SHQ1: variants seen among roughly 807,000 people sequenced by gnomAD.
The protein encoded by SHQ1 is SHQ1, H/ACA ribonucleoprotein assembly factor.
Under a neutral mutation model 53.8 loss-of-function variants are expected in SHQ1, and 49 were observed. The observed-to-expected ratio is 0.91, with a 90% CI of 0.72 to 1.16. The LOEUF (loss-of-function observed/expected upper bound fraction) is 1.16, where lower values mean the gene tolerates loss of function less well. SHQ1 is among the 50% of genes most tolerant of loss of function. SHQ1 has a pLI of 0.00. For synonymous variants in SHQ1, 243 were observed against 251.0 expected, an observed-to-expected ratio of 0.97 and a Z score of 0.30; for missense variants, 738 against 683.1, an observed-to-expected ratio of 1.08 and a Z score of -0.90.
rs1192967454 is a variant in SHQ1 at position 72,772,496 on chromosome 3, T to C, written c.1181+20420A>G. 2.5e-5 allele frequency: 14 copies of C among 557,690 alleles called. No individual in the cohort carries two copies. The Admixed American group carries it at 3.3e-4, about 13-fold the overall frequency. 34.5% of individuals were successfully genotyped at this position (557,690 alleles called of 1,614,324 possible). A position where few individuals can be genotyped will look rare whatever the true frequency, so the allele number is the denominator to read the frequency against. Reference sequence around the variant, plus strand: ...CTTCAAATGCACATACAGATGCATCTGGACCCTCAGACAGTGATATGACAA... The same window carrying C: ...CTTCAAATGCACATACAGATGCATCCGGACCCTCAGACAGTGATATGACAA... On this transcript the variant is annotated intron_variant, in intron 10 of 10. Transcript: ENST00000325599.
In SHQ1 at chr3:72,832,586, C is replaced by G. The variant is rs1025097079; in HGVS notation, c.487-105G>C. The G allele has an allele frequency of 6.9e-6, 5 of 719,504 alleles. No individual in the cohort carries two copies. In the Middle Eastern group the frequency reaches 1.2e-3, roughly 171 times the overall value. The allele number at this position is 719,504 out of a possible 1,614,324, so 44.6% of individuals were successfully genotyped here. A position where few individuals can be genotyped will look rare whatever the true frequency, so the allele number is the denominator to read the frequency against. Reference sequence around the variant, plus strand: ...AAAGCACAGGAAGAACCTAACTGATCAGTAAACCATGATGCCACCTGTGAC... The same window carrying G: ...AAAGCACAGGAAGAACCTAACTGATGAGTAAACCATGATGCCACCTGTGAC... On this transcript the variant is annotated intron_variant, in intron 4 of 10. Coordinates refer to ENST00000325599, the MANE Select transcript of SHQ1 (RefSeq NM_018130.3).
At chr3:72,830,473 T>TC (rs1707792992) in intron 5 of SHQ1, among the ~76,000 whole-genome samples, 1 of 152,030 alleles carries the variant, frequency 6.6e-6, no homozygotes, top group East Asian at 1.9e-4. Context: ...AGCCTTTTTT[T>TC]CTCCACTGTT....
chr3:72,840,224 C>CCTGGGCG (rs1559700226), intron 4 of SHQ1, among the ~76,000 whole-genome samples: 4 of 110,428 alleles, frequency 3.6e-5, no homozygotes, highest in African/African-American at 1.6e-4. Context: ...TGCACTCCAG[C>CCTGGGCG]AAAGTGAGAC....
chr3:72,841,083 A>G lies in SHQ1; in HGVS notation c.448T>C (p.Phe150Leu). 6.2e-7 allele frequency: 1 copy of G among 1,613,918 alleles called. No homozygotes were observed. The highest frequency in any genetic ancestry group is 1.1e-5 in the South Asian group (1 of 91,000). ...AACACTCCTGATCGTAAGTTTCCAA[A>G]TCCATAGTGGCACTGCGGATTCAAA... ...SALNPQCHYG[F>L]GNLRSGVLQR... Residue 150 changes from phenylalanine to leucine, a missense_variant, in exon 4 of 11, where the codon TTT becomes CTT. Phe to Leu is a conservative substitution (Grantham distance 22). Coordinates refer to ENST00000325599, the MANE Select transcript of SHQ1 (RefSeq NM_018130.3).
At chr3:72,845,016 T>A (rs924191382) in intron 1 of SHQ1, among the ~76,000 whole-genome samples, 1 of 152,128 alleles carries the variant, frequency 6.6e-6, no homozygotes, top group Non-Finnish European at 1.5e-5. Flanking sequence ...TGAAATTTCA[T>A]ATAAGGGACA....
In SHQ1 at chr3:72,848,279, A is replaced by T; in HGVS notation, c.62T>A (p.Val21Glu). 6.2e-7 allele frequency: 1 copy of T among 1,614,132 alleles called. No homozygotes were observed. Among genetic ancestry groups the T allele is most frequent in the Non-Finnish European group, 8.5e-7 (1 of 1,180,012 alleles). ...DPDFLTIAIRVPYARVSEFDV... is the reference protein window; with the variant it reads ...DPDFLTIAIREPYARVSEFDV... ...GAACTCGGAGACCCGGGCGTAGGGC[A>T]CGCGGATGGCGATAGTCAGGAAGTC... Residue 21 changes from valine to glutamate, a missense_variant, in exon 1 of 11, where the codon GTG (valine) becomes GAG (glutamate). Physicochemically the swap from Val to Glu is moderately radical, Grantham distance 121 (BLOSUM62 -2). Transcript: ENST00000325599.
chr3:72,755,224 C>A (rs901811061), intron 10 of SHQ1, among the ~76,000 whole-genome samples: 2 of 151,560 alleles, frequency 1.3e-5, no homozygotes, highest in Admixed American at 6.6e-5. Context: ...TTTAAAATTA[C>A]CAGGTTATAC....
intron 9 of SHQ1, among the ~76,000 whole-genome samples, chr3:72,807,753 C>T (rs1370342115): frequency 1.3e-5 from 2 of 152,128 alleles, no homozygotes; most frequent in African/African-American, 4.8e-5. Flanking sequence ...AGTCACAAGC[C>T]CTGTGCTTGG....
chr3:72,809,015 A>G (rs902907836), intron 9 of SHQ1, among the ~76,000 whole-genome samples: 1 of 152,044 alleles, frequency 6.6e-6, no homozygotes, highest in Admixed American at 6.5e-5. Context: ...CTGTTACCTT[A>G]AACCAAGAGA....
chr3:72,753,564 C>T lies in SHQ1; in HGVS notation c.1182-2728G>A, dbSNP rs894577408. 9.1e-6 allele frequency: 9 copies of T among 985,212 alleles called. No individual in the cohort carries two copies. In the East Asian group the frequency reaches 5.7e-4, roughly 62 times the overall value. 61.0% of individuals were successfully genotyped at this position (985,212 alleles called of 1,614,324 possible). The stretch of plus-strand genomic sequence containing the variant: ...CCAAGGGTGAGCGGGAGGCACAGTG[C>T]GGTGAGTGGGACAAGGGCAGTCACC... On this transcript the variant is annotated intron_variant, in intron 10 of 10. Coordinates refer to ENST00000325599, the MANE Select transcript of SHQ1 (RefSeq NM_018130.3).
At chr3:72,770,206 G>A (rs1323317176) in intron 10 of SHQ1, among the ~76,000 whole-genome samples, 1 of 152,204 alleles carries the variant, frequency 6.6e-6, no homozygotes, top group Non-Finnish European at 1.5e-5. Flanking sequence ...CAAATTGCAT[G>A]TGTTAGCTCA....
chr3:72,824,510 T>C lies in SHQ1; in HGVS notation c.641A>G (p.Lys214Arg). 2 of 1,612,088 alleles carry C rather than the reference T, an allele frequency of 1.2e-6. No individual in the cohort carries two copies. Among genetic ancestry groups the C allele is most frequent in the South Asian group, 2.2e-5 (2 of 90,520 alleles). The change falls in exon 6 of 11, where the codon AAG (lysine) becomes AGG (arginine). Residue 214 changes from lysine (K) to arginine (R), a missense_variant. Physicochemically the swap from Lys to Arg is conservative, Grantham distance 26 (BLOSUM62 2). Coordinates refer to ENST00000325599, the MANE Select transcript of SHQ1 (RefSeq NM_018130.3). ...FEDEAIEQIL[K>R]YNPWWTDKYS... Reference sequence around the variant, plus strand: ...TTTGTCAGTCCACCAAGGATTATACTTCAAAATCTGTTCAATCGCCTCATC... The same window carrying C: ...TTTGTCAGTCCACCAAGGATTATACCTCAAAATCTGTTCAATCGCCTCATC...
intron 6 of SHQ1, among the ~76,000 whole-genome samples, chr3:72,822,446 G>T (rs1257285330): frequency 6.6e-6 from 1 of 152,128 alleles, no homozygotes; most frequent in African/African-American, 2.4e-5. Context: ...TAAGAGCATT[G>T]CTGACACAGA....
rs1256299519 is a variant in SHQ1, at chr3:72,792,968, T to C, written c.1129A>G (p.Ile377Val). 11 of 1,612,128 alleles carry C rather than the reference T, an allele frequency of 6.8e-6. No individual in the cohort carries two copies. The highest frequency in any genetic ancestry group is 2.2e-5 in the East Asian group (1 of 44,870). Residue 377 changes from isoleucine to valine, a missense_variant, in exon 10 of 11, where the codon ATA (isoleucine) becomes GTA (valine). Coordinates refer to ENST00000325599, the MANE Select transcript of SHQ1 (RefSeq NM_018130.3). ...TCTGAGATGTAGAGATCATTCAGTA[T>C]GTACGCTGGGTCATTTTCCTGAAAA... Reference protein sequence around the residue: ...KIFQENDPAYILNDLYISDYC... With the variant: ...KIFQENDPAYVLNDLYISDYC...
At chr3:72,735,855 G>T in the SHQ1 span, among the ~76,000 whole-genome samples, 1 of 150,654 alleles carries the variant, frequency 6.6e-6, no homozygotes, top group Middle Eastern at 3.4e-3. Context: ...AGGGGTGGCT[G>T]GGTGCTGAGT....
the SHQ1 span, among the ~76,000 whole-genome samples, chr3:72,729,451 G>A: frequency 6.6e-6 from 1 of 152,124 alleles, no homozygotes; most frequent in Non-Finnish European, 1.5e-5. Context: ...TACCCACCAG[G>A]AAACACACGC....
At chr3:72,822,865 A>G (rs1205449309) in intron 6 of SHQ1, among the ~76,000 whole-genome samples, 1 of 152,198 alleles carries the variant, frequency 6.6e-6, no homozygotes, top group Non-Finnish European at 1.5e-5. Flanking sequence ...AAGAGTCACT[A>G]TAGGCCGGGC....
At chr3:72,801,141 TA>T (rs11366992) in intron 9 of SHQ1, among the ~76,000 whole-genome samples, 66,420 of 149,574 alleles carry the variant, frequency 0.44, 18,716 homozygotes, top group African/African-American at 0.82. Flanking sequence ...GGTAGAACAT[TA>T]AAAAAAAAAA....
chr3:72,730,599 T>A, the SHQ1 span, among the ~76,000 whole-genome samples: 5 of 152,176 alleles, frequency 3.3e-5, no homozygotes, highest in African/African-American at 1.2e-4. Flanking sequence ...AAGTCCCTAC[T>A]TTTCTCTCCT....
Sources: gnomAD v4.1 joint callset for allele counts (sites outside exome capture counted in the v4.1 genomes callset) on GRCh38, gnomAD v4.1.1 for gene constraint, MANE v1.5 for transcripts, NCBI Gene and HGNC (gene_info 2026-07-23, HGNC 2026-07-21) for gene names.